Variants in CELF4 observed in about 807,000 individuals in gnomAD.
CELF4 encodes CUG-BP- and ETR-3-like factor 4.
Under a neutral mutation model 59.9 loss-of-function variants are expected in CELF4, and 18 were observed. That is an observed-to-expected ratio of 0.30 (90% CI 0.21 to 0.45). CELF4 has a LOEUF of 0.45. Among genes scored for constraint, CELF4 ranks in the 20% least tolerant of loss-of-function variants. The probability of loss-of-function intolerance (pLI) is 1.00; values close to 1 mark genes in which losing one functional copy is unlikely to be tolerated. For missense variants in CELF4, 456 were observed against 689.0 expected, an observed-to-expected ratio of 0.66 and a Z score of 3.79; for synonymous variants, 261 against 267.1, an observed-to-expected ratio of 0.98 and a Z score of 0.22.
chr18:37,385,241 C>T (rs887068403), intron 2 of CELF4, among the ~76,000 whole-genome samples: 15 of 150,610 alleles, frequency 1.0e-4, no homozygotes, highest in African/African-American at 2.2e-4. Flanking sequence ...CCAGCTACTC[C>T]GGAGGCTGAA....
intron 2 of CELF4, among the ~76,000 whole-genome samples, chr18:37,375,479 C>T (rs779066275): frequency 1.3e-5 from 2 of 152,128 alleles, no homozygotes; most frequent in African/African-American, 4.8e-5. Flanking sequence ...CCTGAACCAC[C>T]CCACCAAAGT....
chr18:37,347,419 G>A (rs1024580723), intron 2 of CELF4, among the ~76,000 whole-genome samples: 3 of 152,082 alleles, frequency 2.0e-5, no homozygotes, highest in Non-Finnish European at 4.4e-5. Context: ...GGGTTTGCAG[G>A]CCCATCCCCC....
intron 1 of CELF4, among the ~76,000 whole-genome samples, chr18:37,499,995 T>G (rs1258010806): frequency 6.6e-6 from 1 of 152,094 alleles, no homozygotes; most frequent in Non-Finnish European, 1.5e-5. Flanking sequence ...TAGCTAGAGC[T>G]CAGGTGCACC....
rs766941722 is a variant in CELF4 at position 37,273,181 on chromosome 18, GA to G, written c.802-19del. 9 of 1,597,500 alleles carry G rather than the reference GA, an allele frequency of 5.6e-6. No homozygotes were observed. In the African/African-American group the frequency reaches 9.4e-5, roughly 17 times the overall value. On this transcript the variant is annotated intron_variant, in intron 6 of 12. Coordinates refer to ENST00000420428, the MANE Select transcript of CELF4 (RefSeq NM_020180.4). ...TGCATCAGCTGGGGCAGAGGGAGTG[GA>G]AAAAATATCACGTGCTTCCAGGGGG...
Position 37,270,814 on chromosome 18 carries a change from T to C in CELF4, c.1053A>G (p.Gln351=). 1 of 1,613,950 alleles carries C rather than the reference T, an allele frequency of 6.2e-7. No homozygotes were observed. The highest frequency in any genetic ancestry group is 8.5e-7 in the Non-Finnish European group (1 of 1,179,972). ...TGGCGAACACAGCTTCCGCAGCAGG[T>C]TGCCCATTGGCCTGTGGGGGGAGGC... The part of the protein sequence containing the change: ...FTGLPPQANG[Q]PAAEAVFANG... Residue 351 remains glutamine (Q), a synonymous_variant, in exon 8 of 13, where the codon CAA becomes CAG. Transcript: ENST00000420428.
At chr18:37,349,643 G>C (rs985041733) in intron 2 of CELF4, among the ~76,000 whole-genome samples, 1 of 152,208 alleles carries the variant, frequency 6.6e-6, no homozygotes, top group Non-Finnish European at 1.5e-5. Context: ...GGTTCTACCT[G>C]TAAACCAATA....
chr18:37,458,044 C>A (rs2099783417), intron 2 of CELF4, among the ~76,000 whole-genome samples: 1 of 152,074 alleles, frequency 6.6e-6, no homozygotes, highest in Admixed American at 6.5e-5. Flanking sequence ...AAGGGTCATG[C>A]GTGAACTCTA....
intron 1 of CELF4, 59 bp from the exon 2 acceptor site, chr18:37,485,666 C>T: frequency 8.8e-7 from 1 of 1,134,740 alleles, no homozygotes; most frequent in East Asian, 3.2e-5. Context: ...CCCGCCGACG[C>T]GCCCTGCCGC....
At chr18:37,261,948 A>G (rs2074786585) in intron 10 of CELF4, among the ~76,000 whole-genome samples, 1 of 152,166 alleles carries the variant, frequency 6.6e-6, no homozygotes, top group African/African-American at 2.4e-5. Flanking sequence ...GGTTGGAGGA[A>G]CACAGCCTTC....
At chr18:37,305,940 C>G (rs574165016) in intron 3 of CELF4, 1 of 152,244 alleles carries the variant, frequency 6.6e-6, no homozygotes, top group East Asian at 1.9e-4. Context: ...TGTAAACACC[C>G]TGAGGCCGAG....
At chr18:37,306,373 A>G (rs1382159540) in intron 3 of CELF4, 1 of 152,384 alleles carries the variant, frequency 6.6e-6, no homozygotes, top group Admixed American at 6.5e-5. Context: ...TGCTCTGCTG[A>G]TGTCTTCATG....
chr18:37,275,132 G>A lies in CELF4; in HGVS notation c.560C>T (p.Pro187Leu). The change falls in exon 4 of 13, where the codon CCC becomes CTC. Residue 187 changes from proline (P) to leucine (L), a missense_variant. Pro to Leu is a moderately conservative substitution (Grantham distance 98). This residue lies in a region of CELF4 where 56 missense variants were observed against 92.0 expected (regional missense o/e 0.61). Transcript: ENST00000420428. ...CCGCGCACCCTTGCTGTTGCCGTCG[G>A]GCCCGCGCAGGATGGTGCACTCCTC... ...NIEECTILRG[P>L]DGNSKGCAFV... The A allele has an allele frequency of 6.2e-7, 1 of 1,613,336 alleles. No homozygotes were observed. The highest frequency in any genetic ancestry group is 8.5e-7 in the Non-Finnish European group (1 of 1,179,854).
intron 2 of CELF4, among the ~76,000 whole-genome samples, chr18:37,369,263 G>A (rs777978104): frequency 2.6e-5 from 4 of 152,136 alleles, no homozygotes; most frequent in Non-Finnish European, 5.9e-5. Flanking sequence ...GGTGGGCAGC[G>A]GGAGGCTGGG....
chr18:37,273,997 TG>T (rs1250151304), intron 6 of CELF4: 1 of 1,196,686 alleles, frequency 8.4e-7, no homozygotes, highest in Non-Finnish European at 1.0e-6. Flanking sequence ...CTGTGCTTCC[TG>T]GGGTTCAACG....
chr18:37,353,233 A>AAAATTAT (rs71168258), intron 2 of CELF4, among the ~76,000 whole-genome samples: 2 of 106,990 alleles, frequency 1.9e-5, no homozygotes, highest in Non-Finnish European at 3.6e-5. Flanking sequence ...AAAAAAAAAA[A>AAAATTAT]ATATATATAT....
intron 2 of CELF4, among the ~76,000 whole-genome samples, chr18:37,461,132 C>T (rs2099792327): frequency 6.6e-6 from 1 of 152,174 alleles, no homozygotes; most frequent in Non-Finnish European, 1.5e-5. Context: ...AGCCACCCCA[C>T]AGAAGCAACT....
chr18:37,314,364 A>G (rs1383415618), intron 3 of CELF4, among the ~76,000 whole-genome samples: 1 of 152,154 alleles, frequency 6.6e-6, no homozygotes, highest in Non-Finnish European at 1.5e-5. Flanking sequence ...CTGCGGCAGG[A>G]GGATCGCTTA....
At chr18:37,461,195 C>G (rs2099792518) in intron 2 of CELF4, among the ~76,000 whole-genome samples, 1 of 152,184 alleles carries the variant, frequency 6.6e-6, no homozygotes, top group Non-Finnish European at 1.5e-5. Context: ...TGGGAGTTAT[C>G]AAGCCCCAGG....
chr18:37,350,295 T>C (rs1030583009), intron 2 of CELF4, among the ~76,000 whole-genome samples: 17 of 152,110 alleles, frequency 1.1e-4, no homozygotes, highest in Admixed American at 9.8e-4. Context: ...TCCAGAACAT[T>C]CTCATCCAGG....
Sources: allele counts gnomAD v4.1 joint callset (sites outside exome capture counted in the v4.1 genomes callset), GRCh38; gene constraint gnomAD v4.1.1; regional missense constraint gnomAD v4.1.1; transcripts MANE v1.5; gene names NCBI Gene and HGNC (gene_info 2026-07-23, HGNC 2026-07-21).